The following RYR1 variants were observed in gnomAD, a reference collection of about 807,000 sequenced individuals.
RYR1 encodes the protein ryanodine receptor 1.
In RYR1, 342 loss-of-function variants were observed where a neutral mutation model predicts 583.5. That is an observed-to-expected ratio of 0.59 (90% CI 0.54 to 0.64). The LOEUF (loss-of-function observed/expected upper bound fraction) is 0.64, where lower values mean the gene tolerates loss of function less well. Among genes scored for constraint, RYR1 ranks in the 30% least tolerant of loss-of-function variants. RYR1 has a pLI of 0.00. For missense variants in RYR1, 6,032 were observed against 6,917.2 expected, an observed-to-expected ratio of 0.87 and a Z score of 4.54; for synonymous variants, 2,791 against 2,822.5, an observed-to-expected ratio of 0.99 and a Z score of 0.35.
intron 89 of RYR1, among the ~76,000 whole-genome samples, chr19:38,553,888 T>TA (rs1418078998): frequency 1.3e-5 from 2 of 152,246 alleles, no homozygotes; most frequent in Non-Finnish European, 1.5e-5. Context: ...ATTCTGGAGA[T>TA]ATAGGAAGTG....
In RYR1 at chr19:38,483,074, C is replaced by A; in HGVS notation, c.4668C>A (p.Thr1556=). Residue 1556 remains threonine, a synonymous_variant, in exon 32 of 106, where the codon ACC becomes ACA. Coordinates refer to ENST00000359596, the MANE Select transcript of RYR1 (RefSeq NM_000540.3). This position sits in a 1 kb window ranked among gnomAD's most constrained non-coding sequence, Gnocchi z 6.3. ...TTCCTGCCGTCTTCGTCCTGCCCAC[C>A]CACCAGAACGTCATCCAGTTTGAGC... ...KLFPAVFVLP[T]HQNVIQFELG... 1 of 1,614,162 alleles carries A rather than the reference C, an allele frequency of 6.2e-7. No homozygotes were observed. Among genetic ancestry groups the A allele is most frequent in the Admixed American group, 1.7e-5 (1 of 60,006 alleles).
chr19:38,498,642 G>A (rs1969954968), intron 42 of RYR1, among the ~76,000 whole-genome samples: 1 of 152,170 alleles, frequency 6.6e-6, no homozygotes, highest in African/African-American at 2.4e-5. Flanking sequence ...ATAACAAGGG[G>A]TGGATTATTC....
intron 97 of RYR1, among the ~76,000 whole-genome samples, chr19:38,577,037 C>G (rs985675561): frequency 3.3e-5 from 5 of 152,028 alleles, no homozygotes; most frequent in African/African-American, 9.7e-5. Flanking sequence ...AGGCACCCAC[C>G]ACCACGTCTG....
Position 38,578,010 on chromosome 19 carries a change from T to C in RYR1, c.14265T>C (p.Asn4755=). The C allele has an allele frequency of 1.2e-6, 2 of 1,613,994 alleles. No homozygotes were observed. The highest frequency in any genetic ancestry group is 1.7e-6 in the Non-Finnish European group (2 of 1,179,976). ...DLATLEITAH[N]ERKPNPPPGL... The stretch of plus-strand genomic sequence containing the variant: ...CCACACTAGAGATCACAGCCCACAA[T>C]GAGCGCAAGCCCAACCCGCCGCCAG... Residue 4755 remains asparagine, a synonymous_variant, in exon 98 of 106, where the codon AAT becomes AAC. Transcript: ENST00000359596.
Position 38,452,835 on chromosome 19 carries a change from A to G in RYR1, c.1261A>G (p.Ser421Gly). 1 of 1,597,998 alleles carries G rather than the reference A, an allele frequency of 6.3e-7. No individual in the cohort carries two copies. Among genetic ancestry groups the G allele is most frequent in the Middle Eastern group, 1.7e-4 (1 of 5,748 alleles). Residue 421 changes from serine to glycine, a missense_variant, in exon 13 of 106, where the codon AGC becomes GGC. By Grantham distance (56) the Ser-to-Gly change is moderately conservative. Coordinates refer to ENST00000359596, the MANE Select transcript of RYR1 (RefSeq NM_000540.3). ...TCCCTGTAGGAGCCTGGACAGCTTC[A>G]GCGGGAAGCCACGGGGCTCGGGGCC... ...NQFIKSLDSF[S>G]GKPRGSGPPA...
intron 31 of RYR1, among the ~76,000 whole-genome samples, chr19:38,479,454 C>T (rs1322990736): frequency 6.6e-6 from 1 of 152,190 alleles, no homozygotes; most frequent in Non-Finnish European, 1.5e-5. Context: ...GTCCCCCAGG[C>T]TGGAGTGCAG....
At chr19:38,540,077 G>C (rs756639774) in intron 84 of RYR1, among the ~76,000 whole-genome samples, 1 of 152,072 alleles carries the variant, frequency 6.6e-6, no homozygotes, top group Non-Finnish European at 1.5e-5. Context: ...TAGAGCAATT[G>C]TGAACTGACT....
At chr19:38,489,030 G>A (rs1362358980) in intron 34 of RYR1, 147 bp from the exon 35 acceptor site, 1 of 764,538 alleles carries the variant, frequency 1.3e-6, no homozygotes, top group East Asian at 2.6e-5. Context: ...CAAGGCGGGG[G>A]ATGCCATTCC....
Position 38,467,778 on chromosome 19 carries a change from C to T in RYR1, c.3347C>T (p.Ala1116Val). 1 of 1,614,188 alleles carries T rather than the reference C, an allele frequency of 6.2e-7. No homozygotes were observed. Among genetic ancestry groups the T allele is most frequent in the Non-Finnish European group, 8.5e-7 (1 of 1,180,044 alleles). ...PELRPDVELG[A>V]DELAYVFNGH... ...CTGAGGCCTGATGTAGAGCTGGGAG[C>T]TGACGAGCTGGCCTATGTCTTCAAT... Residue 1116 changes from alanine to valine, a missense_variant, in exon 25 of 106, where the codon GCT (alanine) becomes GTT (valine). By Grantham distance (64) the Ala-to-Val change is moderately conservative. Around this residue, in one of 11 missense-constraint regions of RYR1, gnomAD observed 2,627 missense variants for 2,961.3 expected, o/e 0.89. Transcript: ENST00000359596.
At chr19:38,528,468 G>T (rs766344374) in intron 74 of RYR1, 50 bp downstream of exon 74, 1 of 1,605,100 alleles carries the variant, frequency 6.2e-7, no homozygotes, top group South Asian at 1.1e-5. Context: ...GAGAAAGGGT[G>T]GCTGGAGAGT....
intron 50 of RYR1, 125 bp downstream of exon 50, chr19:38,504,485 C>A: frequency 1.6e-6 from 2 of 1,273,366 alleles, no homozygotes; most frequent in South Asian, 1.4e-5. Context: ...AAGTTTGGAT[C>A]TAGGAGGATC....
chr19:38,478,343 GGTT>G, intron 30 of RYR1, 89 bp from the exon 31 acceptor site: 1 of 1,422,654 alleles, frequency 7.0e-7, no homozygotes, highest in Admixed American at 1.7e-5. Flanking sequence ...GGGACTCTGA[GGTT>G]GTGTGTTTCC....
chr19:38,443,502 G>A (rs1434770318), intron 3 of RYR1, 56 bp from the exon 4 acceptor site: 10 of 1,520,886 alleles, frequency 6.6e-6, no homozygotes, highest in East Asian at 2.3e-5. Context: ...AGACCTCTTG[G>A]GGATCTGGAG....
At chr19:38,516,746 C>G (rs1212843815) in intron 65 of RYR1, among the ~76,000 whole-genome samples, 1 of 152,150 alleles carries the variant, frequency 6.6e-6, no homozygotes, top group Non-Finnish European at 1.5e-5. Context: ...ATGTATCGAG[C>G]AGTTACTATG....
intron 101 of RYR1, among the ~76,000 whole-genome samples, chr19:38,583,126 G>A (rs996495014): frequency 2.0e-5 from 3 of 151,918 alleles, no homozygotes; most frequent in Non-Finnish European, 4.4e-5. Context: ...GTGAAACCCT[G>A]TCTCCACTAA....
intron 67 of RYR1, among the ~76,000 whole-genome samples, 168 bp from the exon 68 acceptor site, chr19:38,522,859 GA>G (rs145400994): frequency 6.6e-6 from 1 of 151,748 alleles, no homozygotes; most frequent in Non-Finnish European, 1.5e-5. Flanking sequence ...CTGAGACAGA[GA>G]AAAAAAATTT....
At chr19:38,508,563 G>A (rs1970585521) in intron 58 of RYR1, among the ~76,000 whole-genome samples, 1 of 152,208 alleles carries the variant, frequency 6.6e-6, no homozygotes, top group Non-Finnish European at 1.5e-5. Flanking sequence ...ATGAGAATGT[G>A]ATATCTGAGG....
intron 35 of RYR1, 75 bp from the exon 36 acceptor site, chr19:38,490,001 G>A (rs1396519321): frequency 2.0e-6 from 3 of 1,483,238 alleles, no homozygotes; most frequent in East Asian, 4.5e-5. Flanking sequence ...GAGGGGAGAG[G>A]AAGCAAGAGA....
chr19:38,473,160 C>T (rs749739223), intron 27 of RYR1, among the ~76,000 whole-genome samples: 1 of 152,160 alleles, frequency 6.6e-6, no homozygotes, highest in Non-Finnish European at 1.5e-5. Context: ...GTGTACACGA[C>T]GCCCAGAGAA....
Sources: allele counts gnomAD v4.1 joint callset (sites outside exome capture counted in the v4.1 genomes callset), GRCh38; gene constraint gnomAD v4.1.1; regional missense constraint gnomAD v4.1.1; non-coding constraint Gnocchi (gnomAD v3.1); transcripts MANE v1.5; gene names NCBI Gene and HGNC (gene_info 2026-07-23, HGNC 2026-07-21).